TMEM266: variants seen among roughly 807,000 people sequenced by gnomAD.
TMEM266 encodes the protein transmembrane protein 266.
TMEM266 carries 33 observed loss-of-function variants against 50.5 expected under a neutral mutation model. The ratio of observed to expected loss-of-function variants is 0.65; its 90% CI spans 0.50 to 0.87. The LOEUF is 0.87. TMEM266 is among the 40% of genes least tolerant of loss of function. TMEM266 has a pLI of 0.00. For synonymous variants in TMEM266, 310 were observed against 292.3 expected (o/e 1.06, Z -0.62); for missense variants, 655 against 695.1 (o/e 0.94, Z 0.65).
intron 1 of TMEM266, among the ~76,000 whole-genome samples, chr15:76,120,754 G>A (rs1229877424): frequency 4.9e-5 from 5 of 101,704 alleles, no homozygotes; most frequent in East Asian, 3.3e-4. Context: ...GAGCAAGACT[G>A]TCTCAAAAAA....
chr15:76,067,333 A>G (rs996018114), intron 1 of TMEM266, among the ~76,000 whole-genome samples: 6 of 152,168 alleles, frequency 3.9e-5, no homozygotes, highest in African/African-American at 1.4e-4. Flanking sequence ...GCAACAGCAC[A>G]TTCTGGGACT....
At chr15:76,095,192 A>C (rs555148901) in intron 1 of TMEM266, among the ~76,000 whole-genome samples, 176 of 152,136 alleles carry the variant, frequency 1.2e-3, no homozygotes, top group African/African-American at 4.0e-3. Context: ...GTCTTGTGCC[A>C]GTTTTCAAAG....
intron 1 of TMEM266, among the ~76,000 whole-genome samples, chr15:76,120,758 CAAA>C (rs60694791): frequency 1.7e-5 from 1 of 57,948 alleles, no homozygotes; most frequent in Non-Finnish European, 3.4e-5. Context: ...AAGACTGTCT[CAAA>C]AAAAAAAAAA....
chr15:76,093,774 C>T (rs1262769560), intron 1 of TMEM266, among the ~76,000 whole-genome samples: 1 of 152,082 alleles, frequency 6.6e-6, no homozygotes, highest in African/African-American at 2.4e-5. Flanking sequence ...TCTCCAGCAT[C>T]TGTTGTTTCC....
chr15:76,191,644 A>T, intron 8 of TMEM266: 1 of 273,146 alleles, frequency 3.7e-6, no homozygotes, highest in Admixed American at 5.5e-5. Flanking sequence ...CTGAATTTGC[A>T]CCCAGGGCTC....
intron 1 of TMEM266, among the ~76,000 whole-genome samples, chr15:76,065,724 T>C (rs2036401962): frequency 7.0e-6 from 1 of 143,438 alleles, no homozygotes; most frequent in Non-Finnish European, 1.5e-5. Flanking sequence ...ACAAATGCTA[T>C]TTTTTTTTAT....
intron 1 of TMEM266, among the ~76,000 whole-genome samples, chr15:76,086,930 G>GT (rs985955838): frequency 1.5e-4 from 14 of 95,446 alleles, no homozygotes; most frequent in East Asian, 3.1e-4. Context: ...GAGCAGGTCG[G>GT]GGGGGGGGCG....
At chr15:76,151,544 G>T (rs1456060080) in intron 3 of TMEM266, among the ~76,000 whole-genome samples, 1 of 152,010 alleles carries the variant, frequency 6.6e-6, no homozygotes, top group Non-Finnish European at 1.5e-5. Flanking sequence ...TCTTCAGGAA[G>T]GAGCCCAGAA....
chr15:76,167,753 G>A (rs1387960745), intron 5 of TMEM266, among the ~76,000 whole-genome samples: 4 of 152,032 alleles, frequency 2.6e-5, no homozygotes, highest in Non-Finnish European at 5.9e-5. Flanking sequence ...TGCCCGCCTT[G>A]CCCTCCCAAA....
intron 1 of TMEM266, among the ~76,000 whole-genome samples, chr15:76,105,728 T>A (rs1370651831): frequency 6.6e-6 from 1 of 152,202 alleles, no homozygotes; most frequent in Non-Finnish European, 1.5e-5. Flanking sequence ...ATTATCTCCA[T>A]AGCCCCCATA....
At chr15:76,172,922 A>G (rs1485469819) in intron 7 of TMEM266, among the ~76,000 whole-genome samples, 2 of 151,302 alleles carry the variant, frequency 1.3e-5, no homozygotes, top group South Asian at 2.1e-4. Flanking sequence ...GAACAGCCGC[A>G]CACCCTCACA....
chr15:76,066,960 C>T (rs1169765849), intron 1 of TMEM266, among the ~76,000 whole-genome samples: 2 of 152,104 alleles, frequency 1.3e-5, no homozygotes, highest in Non-Finnish European at 2.9e-5. Flanking sequence ...CCACTAGATG[C>T]CACCGGTACT....
intron 1 of TMEM266, chr15:76,113,864 G>A (rs146277391): frequency 2.1e-3 from 317 of 151,626 alleles, no homozygotes; most frequent in Middle Eastern, 3.4e-3. Flanking sequence ...AGCTGAGATC[G>A]TGCCACTGCA....
intron 9 of TMEM266, among the ~76,000 whole-genome samples, chr15:76,198,473 C>A (rs1234680475): frequency 6.6e-6 from 1 of 152,210 alleles, no homozygotes; most frequent in Non-Finnish European, 1.5e-5. Flanking sequence ...TCTGTGTCTG[C>A]CTCCCTTGCC....
chr15:76,149,188 C>T (rs563642428), intron 3 of TMEM266, among the ~76,000 whole-genome samples: 2 of 152,350 alleles, frequency 1.3e-5, no homozygotes, highest in East Asian at 1.9e-4. Context: ...TCCCTGTAGG[C>T]ATTGGGTTGA....
chr15:76,140,871 C>CAA (rs3068699), intron 3 of TMEM266, among the ~76,000 whole-genome samples: 34 of 133,510 alleles, frequency 2.5e-4, no homozygotes, highest in South Asian at 1.2e-3. Flanking sequence ...CCCATCTCTA[C>CAA]AAAAAAAAAA....
Position 76,192,080 on chromosome 15 carries a change from T to A in TMEM266, c.881T>A (p.Phe294Tyr). 1 of 1,470,388 alleles carries A rather than the reference T, an allele frequency of 6.8e-7. No homozygotes were observed. Among genetic ancestry groups the A allele is most frequent in the Non-Finnish European group, 9.0e-7 (1 of 1,115,480 alleles). The allele number at this position is 1,470,388 out of a possible 1,614,324, so 91.1% of individuals were successfully genotyped here. A position where few individuals can be genotyped will look rare whatever the true frequency, so the allele number is the denominator to read the frequency against. The change falls in exon 9 of 11, where the codon TTC becomes TAC. Residue 294 changes from phenylalanine (F) to tyrosine (Y), a missense_variant. Around this residue, in one of 3 missense-constraint regions of TMEM266, gnomAD observed 455 missense variants for 401.8 expected, o/e 1.13. Coordinates refer to ENST00000388942, the MANE Select transcript of TMEM266 (RefSeq NM_152335.3). ...GTGCTCAGCCAGCCGCGCAGCCGCT[T>A]CAAAGTGTTGGAGGCCGGCACGTGG...
chr15:76,088,925 CT>C (rs1399438761), intron 1 of TMEM266, among the ~76,000 whole-genome samples: 1 of 151,654 alleles, frequency 6.6e-6, no homozygotes, highest in Non-Finnish European at 1.5e-5. Context: ...GAAACCCCGT[CT>C]CTACTAAAAA....
chr15:76,082,901 G>T (rs1453161045), intron 1 of TMEM266, among the ~76,000 whole-genome samples: 3 of 152,116 alleles, frequency 2.0e-5, no homozygotes, highest in Non-Finnish European at 4.4e-5. Flanking sequence ...CCCAGGAGGA[G>T]GAGGTTGCAG....
Sources: gnomAD v4.1 joint callset for allele counts (sites outside exome capture counted in the v4.1 genomes callset) on GRCh38, gnomAD v4.1.1 for gene constraint, gnomAD v4.1.1 regional missense constraint, MANE v1.5 for transcripts, NCBI Gene and HGNC (gene_info 2026-07-23, HGNC 2026-07-21) for gene names.